The following EXOG variants were observed in gnomAD, a reference collection of about 807,000 sequenced individuals.
EXOG encodes nuclease EXOG, mitochondrial.
EXOG carries 27 observed loss-of-function variants against 25.8 expected under a neutral mutation model. The ratio of observed to expected loss-of-function variants is 1.05; its 90% CI spans 0.77 to 1.45. The LOEUF is 1.45. EXOG is among the 40% of genes most tolerant of loss of function. The pLI is 0.00. For synonymous variants in EXOG, 133 were observed against 167.0 expected (o/e 0.80, Z 1.57); for missense variants, 458 against 450.5 (o/e 1.02, Z -0.15).
chr3:38,520,560 T>C (rs1197422259), intron 5 of EXOG, among the ~76,000 whole-genome samples: 2 of 152,222 alleles, frequency 1.3e-5, no homozygotes, highest in Non-Finnish European at 2.9e-5. Flanking sequence ...TGAAACCCCA[T>C]TGCTGACCTG....
rs777538199 is a variant in EXOG, at chr3:38,501,341, G to A, written c.314-14G>A. On this transcript the variant is annotated splice_polypyrimidine_tract_variant and intron_variant, in intron 2 of 5. Coordinates refer to ENST00000287675, the MANE Select transcript of EXOG (RefSeq NM_005107.4). ...TCTACTGATAACATATCCATTTTGT[G>A]TGTTTTTCTTCAGGTGATGCAGACA... 17 of 1,611,674 alleles carry A rather than the reference G, an allele frequency of 1.1e-5. No homozygotes were observed. The highest frequency in any genetic ancestry group is 1.4e-5 in the Non-Finnish European group (17 of 1,178,004).
chr3:38,514,423 G>C (rs1170247951), intron 5 of EXOG, among the ~76,000 whole-genome samples: 1 of 152,176 alleles, frequency 6.6e-6, no homozygotes, highest in Non-Finnish European at 1.5e-5. Flanking sequence ...GATTATATAA[G>C]TGAATATAGA....
chr3:38,516,579 A>G (rs1333304007), intron 5 of EXOG, among the ~76,000 whole-genome samples: 1 of 152,198 alleles, frequency 6.6e-6, no homozygotes, highest in African/African-American at 2.4e-5. Flanking sequence ...GCATTCTGTC[A>G]TGTAACCACA....
rs1233266029 is a variant in EXOG, at chr3:38,525,385, T to TG, written c.*1024dup. On this transcript the variant is annotated 3_prime_UTR_variant, in exon 6 of 6. Transcript: ENST00000287675. ...CTATTTCCATGGGTATTTGTGGGCC[T>TG]GAGGCATGCTTGGCAAGAAGAGTCT... is the stretch of plus-strand genomic sequence containing the variant. 4.1e-6 allele frequency: 4 copies of TG among 985,292 alleles called. No homozygotes were observed. Among genetic ancestry groups the TG allele is most frequent in the Non-Finnish European group, 4.8e-6 (4 of 829,926 alleles). 61.0% of individuals were successfully genotyped at this position (985,292 alleles called of 1,614,324 possible).
At chr3:38,518,716 C>T (rs549992533) in intron 5 of EXOG, among the ~76,000 whole-genome samples, 2 of 152,252 alleles carry the variant, frequency 1.3e-5, no homozygotes, top group Non-Finnish European at 2.9e-5. Flanking sequence ...AATGAACTGG[C>T]ATTTCTTGAG....
intron 2 of EXOG, 50 bp downstream of exon 2, chr3:38,497,828 C>A: frequency 6.4e-7 from 1 of 1,552,596 alleles, no homozygotes. Context: ...TGAAAGATGT[C>A]TCCAAATTTA....
intron 2 of EXOG, among the ~76,000 whole-genome samples, chr3:38,498,505 A>G (rs2059957360): frequency 6.6e-6 from 1 of 152,054 alleles, no homozygotes; most frequent in South Asian, 2.1e-4. Context: ...CAGTGAGCCA[A>G]GATCGCAGCA....
intron 4 of EXOG, among the ~76,000 whole-genome samples, chr3:38,504,905 G>A (rs1020263670): frequency 6.6e-6 from 1 of 152,122 alleles, no homozygotes; most frequent in East Asian, 1.9e-4. Flanking sequence ...AATGAAGAGA[G>A]CACCCTGCAC....
At chr3:38,511,048 C>G (rs2060354214) in intron 5 of EXOG, among the ~76,000 whole-genome samples, 1 of 152,108 alleles carries the variant, frequency 6.6e-6, no homozygotes, top group African/African-American at 2.4e-5. Flanking sequence ...AGTAAGTCAT[C>G]CGTTCAGCAA....
Position 38,510,114 on chromosome 3 carries a change from C to T in EXOG, c.645+3146C>T, listed in dbSNP as rs138149200. On this transcript the variant is annotated intron_variant, in intron 5 of 5. Transcript: ENST00000287675. ...TTGCTAGTAATGGGACTTAGTGAAA[C>T]GCTGTACTCCTGGTGTGATGCACTG... Among the ~76,000 whole-genome samples the T allele has an allele frequency of 3.4e-3, 519 of 152,238 alleles. 5 individuals carry two copies. The highest frequency in any genetic ancestry group is 0.012 in the African/African-American group (493 of 41,534).
rs749444740 is a variant in EXOG at position 38,497,705 on chromosome 3, C to T, written c.240C>T (p.His80=). Residue 80 remains histidine (H), a synonymous_variant, in exon 2 of 6, where the codon CAC becomes CAT. Transcript: ENST00000287675. ...TGTEARCYTN[H]ALSYDQAKRV... The stretch of plus-strand genomic sequence containing the variant: ...CAGAGGCAAGGTGTTACACTAATCA[C>T]GCTTTGTCTTATGATCAGGCAAAGC... 20 of 1,609,874 alleles carry T rather than the reference C, an allele frequency of 1.2e-5. No individual in the cohort carries two copies. Among genetic ancestry groups the T allele is most frequent in the Admixed American group, 5.1e-5 (3 of 59,020 alleles).
At chr3:38,512,789 A>G (rs1459815951) in intron 5 of EXOG, among the ~76,000 whole-genome samples, 1 of 151,994 alleles carries the variant, frequency 6.6e-6, no homozygotes, top group African/African-American at 2.4e-5. Flanking sequence ...CATGGTATAT[A>G]TATATATATT....
At chr3:38,514,946 A>C (rs1039026946) in intron 5 of EXOG, among the ~76,000 whole-genome samples, 2 of 151,772 alleles carry the variant, frequency 1.3e-5, no homozygotes, top group African/African-American at 4.8e-5. Context: ...AATTTTTTAT[A>C]TTTTTAGTAG....
rs761916512 is a variant in EXOG at position 38,496,523 on chromosome 3, G to A, written c.156G>A (p.Gln52=). The A allele has an allele frequency of 1.2e-6, 2 of 1,611,594 alleles. No homozygotes were observed. Among genetic ancestry groups the A allele is most frequent in the Admixed American group, 3.3e-5 (2 of 59,962 alleles). The change falls in exon 1 of 6, where the codon CAG becomes CAA. Residue 52 remains glutamine, a synonymous_variant. Coordinates refer to ENST00000287675, the MANE Select transcript of EXOG (RefSeq NM_005107.4). ...CTGAGGGAGCGTTGACAGGGAAGCA[G>A]CCGGATGGTAAGTCTGTGGGCCCGT... ...QGAEGALTGK[Q]PDGSAEKAVL...
intron 4 of EXOG, 51 bp downstream of exon 4, chr3:38,503,742 G>T: frequency 9.0e-7 from 1 of 1,108,338 alleles, no homozygotes. Context: ...TAAATGAAGT[G>T]ACAGGAGAAT....
chr3:38,519,840 A>T (rs1363346117), intron 5 of EXOG, among the ~76,000 whole-genome samples: 1 of 152,180 alleles, frequency 6.6e-6, no homozygotes, highest in Non-Finnish European at 1.5e-5. Context: ...GGGGGCGACC[A>T]CATTCTTGTT....
At position 38,525,428 on chromosome 3, in the gene EXOG, G is replaced by A. The variant is rs564334282; in HGVS notation, c.*1066G>A. ...AAGAGTCTGGTTTCTCGTCTGCTATGCAAGCCAAAGGGACTTTAATGTTCT... is the reference window on the plus strand; with the variant it reads ...AAGAGTCTGGTTTCTCGTCTGCTATACAAGCCAAAGGGACTTTAATGTTCT... On this transcript the variant is annotated 3_prime_UTR_variant, in exon 6 of 6. Coordinates refer to ENST00000287675, the MANE Select transcript of EXOG (RefSeq NM_005107.4). The A allele has an allele frequency of 4.5e-5, 44 of 985,388 alleles. No homozygotes were observed. The South Asian group carries it at 1.7e-3, about 39-fold the overall frequency. 61.0% of individuals were successfully genotyped at this position (985,388 alleles called of 1,614,324 possible).
At chr3:38,508,040 A>G (rs935669193) in intron 5 of EXOG, among the ~76,000 whole-genome samples, 1 of 152,216 alleles carries the variant, frequency 6.6e-6, no homozygotes, top group Non-Finnish European at 1.5e-5. Context: ...CTGAGGCAGA[A>G]GAATCGCTTG....
At chr3:38,519,787 G>A (rs1196055255) in intron 5 of EXOG, among the ~76,000 whole-genome samples, 1 of 152,210 alleles carries the variant, frequency 6.6e-6, no homozygotes, top group Non-Finnish European at 1.5e-5. Context: ...TCCAGGGTTT[G>A]TGCTGCCACA....
Sources: gnomAD v4.1 joint callset for allele counts (sites outside exome capture counted in the v4.1 genomes callset) on GRCh38, gnomAD v4.1.1 for gene constraint, MANE v1.5 for transcripts, NCBI Gene and HGNC (gene_info 2026-07-23, HGNC 2026-07-21) for gene names.